AK5: variants seen among roughly 807,000 people sequenced by gnomAD.
AK5 encodes adenylate kinase isoenzyme 5.
AK5 carries 27 observed loss-of-function variants against 69.5 expected under a neutral mutation model. The observed-to-expected ratio is 0.39, with a 90% CI of 0.29 to 0.54. AK5 has a LOEUF of 0.54. Among genes scored for constraint, AK5 ranks in the 20% least tolerant of loss-of-function variants. The probability of loss-of-function intolerance (pLI) is 0.71; values close to 1 mark genes in which losing one functional copy is unlikely to be tolerated. For missense variants in AK5, 531 were observed against 700.4 expected (o/e 0.76, Z 2.73); for synonymous variants, 260 against 244.4 (o/e 1.06, Z -0.60).
At chr1:77,337,980 T>TC in intron 5 of AK5, among the ~76,000 whole-genome samples, 1 of 151,706 alleles carries the variant, frequency 6.6e-6, no homozygotes, top group East Asian at 1.9e-4. Flanking sequence ...TTTTTTTTTT[T>TC]TGAGACAGAG....
chr1:77,387,844 TG>T (rs1197779005), intron 6 of AK5, among the ~76,000 whole-genome samples: 2 of 152,218 alleles, frequency 1.3e-5, no homozygotes, highest in African/African-American at 4.8e-5. Context: ...AGGGAACAAC[TG>T]AATCATTTGA....
chr1:77,356,767 A>G (rs1662547437), intron 6 of AK5, among the ~76,000 whole-genome samples: 1 of 152,200 alleles, frequency 6.6e-6, no homozygotes, highest in Non-Finnish European at 1.5e-5. Context: ...TGTGCTATGT[A>G]CTTTCACATA....
intron 6 of AK5, among the ~76,000 whole-genome samples, chr1:77,357,965 T>A (rs1662620880): frequency 6.9e-6 from 1 of 145,088 alleles, no homozygotes; most frequent in Non-Finnish European, 1.5e-5. Flanking sequence ...CAGTTCCTTT[T>A]TAAAACATGT....
intron 6 of AK5, among the ~76,000 whole-genome samples, chr1:77,361,187 A>G (rs1646856127): frequency 6.6e-6 from 1 of 152,186 alleles, no homozygotes; most frequent in Admixed American, 6.5e-5. Flanking sequence ...TGACTACTCA[A>G]GCCTCTACAG....
At chr1:77,294,017 A>G in intron 3 of AK5, 57 bp downstream of exon 3, 1 of 1,524,540 alleles carries the variant, frequency 6.6e-7, no homozygotes, top group Non-Finnish European at 8.9e-7. Flanking sequence ...TTATATATTT[A>G]CATTTCAAAA....
chr1:77,515,563 G>T (rs911612771), intron 10 of AK5, among the ~76,000 whole-genome samples: 4 of 152,188 alleles, frequency 2.6e-5, no homozygotes, highest in African/African-American at 9.7e-5. Flanking sequence ...TGTGCTCAGG[G>T]CACCCAGAGA....
intron 8 of AK5, among the ~76,000 whole-genome samples, chr1:77,421,074 G>A (rs1286515316): frequency 6.6e-6 from 1 of 152,050 alleles, no homozygotes; most frequent in Non-Finnish European, 1.5e-5. Context: ...TTGCTGAAAG[G>A]CCATATAAAA....
chr1:77,334,269 T>G (rs1331495773), intron 5 of AK5, among the ~76,000 whole-genome samples: 1 of 152,194 alleles, frequency 6.6e-6, no homozygotes, highest in African/African-American at 2.4e-5. Flanking sequence ...AAAAAAATAG[T>G]GTCATTGTTT....
At chr1:77,364,539 T>A (rs760906429) in intron 6 of AK5, among the ~76,000 whole-genome samples, 74 of 152,274 alleles carry the variant, frequency 4.9e-4, no homozygotes, top group Admixed American at 8.5e-4. Flanking sequence ...CCCCTACTCT[T>A]CCTGGCCTCT....
chr1:77,432,715 C>G (rs1309959003), intron 8 of AK5, among the ~76,000 whole-genome samples: 4 of 152,042 alleles, frequency 2.6e-5, no homozygotes, highest in African/African-American at 9.7e-5. Context: ...GGAATTTACC[C>G]AAGTATAACA....
chr1:77,283,043 C>T, intron 1 of AK5: 1 of 985,538 alleles, frequency 1.0e-6, no homozygotes, highest in Non-Finnish European at 1.2e-6. Context: ...CTGGAGATAG[C>T]GGGTCGGGGA....
At chr1:77,507,401 G>T (rs12760589) in intron 10 of AK5, among the ~76,000 whole-genome samples, 18,962 of 152,244 alleles carry the variant, frequency 0.12, 1,597 homozygotes, top group Admixed American at 0.19. Context: ...AATAGCTGTT[G>T]TAAGAATTAA....
intron 5 of AK5, among the ~76,000 whole-genome samples, chr1:77,306,746 G>T (rs1239915457): frequency 1.3e-5 from 2 of 151,940 alleles, no homozygotes; most frequent in Non-Finnish European, 2.9e-5. Flanking sequence ...TTTCTTAACT[G>T]GGAGATTTTT....
chr1:77,378,207 G>A (rs1476112451), intron 6 of AK5, among the ~76,000 whole-genome samples: 2 of 152,116 alleles, frequency 1.3e-5, no homozygotes, highest in Non-Finnish European at 2.9e-5. Context: ...CCCAAGTCTT[G>A]AATACCCATT....
chr1:77,367,600 A>ATGT (rs1646988530), intron 6 of AK5, among the ~76,000 whole-genome samples: 1 of 42,234 alleles, frequency 2.4e-5, no homozygotes, highest in Non-Finnish European at 4.7e-5. Context: ...TATATATGTA[A>ATGT]TATATATGTA....
At chr1:77,548,750 T>C (rs1482815000) in intron 13 of AK5, among the ~76,000 whole-genome samples, 1 of 152,204 alleles carries the variant, frequency 6.6e-6, no homozygotes, top group African/African-American at 2.4e-5. Flanking sequence ...AAATGTGTAA[T>C]TCCCAAAGCA....
At chr1:77,497,632 G>C (rs1373074309) in intron 10 of AK5, among the ~76,000 whole-genome samples, 1 of 152,202 alleles carries the variant, frequency 6.6e-6, no homozygotes, top group African/African-American at 2.4e-5. Flanking sequence ...TTCTCACCCA[G>C]GCTGAAGTGC....
chr1:77,282,720 G>C, intron 1 of AK5: 1 of 1,067,942 alleles, frequency 9.4e-7, no homozygotes, highest in South Asian at 3.8e-5. Flanking sequence ...GGCCAGGTCA[G>C]GTGGCTGCAC....
intron 8 of AK5, among the ~76,000 whole-genome samples, chr1:77,426,792 T>C (rs1050341024): frequency 6.6e-6 from 1 of 152,182 alleles, no homozygotes; most frequent in African/African-American, 2.4e-5. Context: ...GTGTCTGCTC[T>C]CAGAACACAG....
Sources: allele counts gnomAD v4.1 joint callset (sites outside exome capture counted in the v4.1 genomes callset), GRCh38; gene constraint gnomAD v4.1.1; transcripts MANE v1.5; gene names NCBI Gene and HGNC (gene_info 2026-07-23, HGNC 2026-07-21).